NALF1: variants seen among roughly 807,000 people sequenced by gnomAD.
NALF1 encodes NALCN channel auxiliary factor 1, also known as family with sequence similarity 155 member A.
Under a neutral mutation model 48.4 loss-of-function variants are expected in NALF1, and 3 were observed. The observed-to-expected ratio is 0.06, with a 90% CI of 0.03 to 0.16. The LOEUF (loss-of-function observed/expected upper bound fraction) is 0.16. Ranked by LOEUF, NALF1 falls within the 10% of genes least tolerant of loss-of-function variation. NALF1 has a pLI of 1.00. For synonymous variants in NALF1, 262 were observed against 245.7 expected (o/e 1.07, Z -0.62); for missense variants, 526 against 571.5 (o/e 0.92, Z 0.81).
intron 1 of NALF1, among the ~76,000 whole-genome samples, chr13:107,544,760 C>T (rs1343292699): frequency 6.6e-6 from 1 of 152,022 alleles, no homozygotes; most frequent in Non-Finnish European, 1.5e-5. Flanking sequence ...TTCATCCCTG[C>T]CTTGAAGGAG....
At chr13:107,658,173 C>G (rs975170810) in intron 1 of NALF1, among the ~76,000 whole-genome samples, 1 of 151,876 alleles carries the variant, frequency 6.6e-6, no homozygotes, top group Admixed American at 6.6e-5. Context: ...TTTTTTATTT[C>G]CTTTTGTTGA....
intron 1 of NALF1, among the ~76,000 whole-genome samples, chr13:107,806,217 G>A (rs879834306): frequency 1.3e-5 from 2 of 152,136 alleles, no homozygotes; most frequent in Non-Finnish European, 2.9e-5. Flanking sequence ...GTTGCCTACA[G>A]TTTTAAAATA....
chr13:107,453,018 A>G (rs962220825), intron 1 of NALF1, among the ~76,000 whole-genome samples: 18 of 152,308 alleles, frequency 1.2e-4, no homozygotes, highest in African/African-American at 4.1e-4. Context: ...GGGCTCCCAC[A>G]ACCTTGGACA....
At chr13:107,779,778 C>CTTCTAAAACCTCAG (rs1276587219) in intron 1 of NALF1, among the ~76,000 whole-genome samples, 3 of 152,188 alleles carry the variant, frequency 2.0e-5, no homozygotes, top group Non-Finnish European at 2.9e-5. Context: ...TCTCCACCTT[C>CTTCTAAAACCTCAG]TTCTAAAACC....
chr13:107,448,261 T>G (rs2139032741), intron 1 of NALF1, among the ~76,000 whole-genome samples: 1 of 152,250 alleles, frequency 6.6e-6, no homozygotes, highest in African/African-American at 2.4e-5. Flanking sequence ...AGCCACTGTG[T>G]GACGACTGGA....
At chr13:107,292,179 A>C (rs2138883580) in intron 1 of NALF1, among the ~76,000 whole-genome samples, 1 of 152,332 alleles carries the variant, frequency 6.6e-6, no homozygotes, top group Middle Eastern at 3.4e-3. Context: ...ATGCAAAACA[A>C]TGTTAAGTAT....
chr13:107,511,196 G>A (rs923511672), intron 1 of NALF1, among the ~76,000 whole-genome samples: 1 of 152,160 alleles, frequency 6.6e-6, no homozygotes, highest in Non-Finnish European at 1.5e-5. Flanking sequence ...TTCTTCAGGG[G>A]ACAGATATTT....
At chr13:107,467,139 A>G (rs1885017070) in intron 1 of NALF1, among the ~76,000 whole-genome samples, 1 of 152,166 alleles carries the variant, frequency 6.6e-6, no homozygotes, top group Non-Finnish European at 1.5e-5. Flanking sequence ...CTTGAAATGT[A>G]TATATGAATT....
intron 2 of NALF1, among the ~76,000 whole-genome samples, chr13:107,180,946 C>T (rs949878035): frequency 6.6e-6 from 1 of 151,536 alleles, no homozygotes; most frequent in African/African-American, 2.4e-5. Context: ...GGTTACTTTG[C>T]GTCAATTTTG....
At chr13:107,577,797 T>A (rs547070759) in intron 1 of NALF1, among the ~76,000 whole-genome samples, 1 of 152,252 alleles carries the variant, frequency 6.6e-6, no homozygotes, top group Admixed American at 6.5e-5. Flanking sequence ...TCATCCCGGA[T>A]CTCTTCAAGT....
intron 1 of NALF1, among the ~76,000 whole-genome samples, chr13:107,323,527 C>G (rs1271318163): frequency 1.3e-5 from 2 of 151,888 alleles, no homozygotes; most frequent in Admixed American, 1.3e-4. Context: ...TCATATAGCG[C>G]TTTTTAAAAA....
chr13:107,618,814 C>G (rs1879451015), intron 1 of NALF1, among the ~76,000 whole-genome samples: 1 of 152,146 alleles, frequency 6.6e-6, no homozygotes, highest in Non-Finnish European at 1.5e-5. Context: ...AGTATTGATG[C>G]TTAGTCTGCA....
rs555200327 is a variant in NALF1, at chr13:107,453,101, G to A, written c.916-242346C>T. 9.2e-5 allele frequency among the ~76,000 whole-genome samples: 14 copies of A among 152,264 alleles called. No homozygotes were observed. The East Asian group carries it at 1.2e-3, about 13-fold the overall frequency. The stretch of plus-strand genomic sequence containing the variant: ...TTCATGGCTGGCATTGAGTGTCTGC[G>A]GCTTTTCCAGGCACACAGTCCAATC... On this transcript the variant is annotated intron_variant, in intron 1 of 2. Coordinates refer to ENST00000375915, the MANE Select transcript of NALF1 (RefSeq NM_001080396.3).
chr13:107,340,179 T>C (rs1474955656), intron 1 of NALF1, among the ~76,000 whole-genome samples: 1 of 146,294 alleles, frequency 6.8e-6, no homozygotes, highest in Non-Finnish European at 1.5e-5. Flanking sequence ...TACATTCCTT[T>C]TTTTTTTTTT....
chr13:107,285,915 A>G (rs1881484247), intron 1 of NALF1, among the ~76,000 whole-genome samples: 2 of 152,194 alleles, frequency 1.3e-5, no homozygotes, highest in South Asian at 4.1e-4. Flanking sequence ...TGGATGGAAT[A>G]CATTCAAATG....
chr13:107,358,006 G>T (rs947441444), intron 1 of NALF1, among the ~76,000 whole-genome samples: 5 of 152,002 alleles, frequency 3.3e-5, no homozygotes, highest in African/African-American at 1.2e-4. Context: ...ATATATATTT[G>T]CAATAAATAA....
chr13:107,177,056 C>T (rs906300487), intron 2 of NALF1, among the ~76,000 whole-genome samples: 3 of 151,858 alleles, frequency 2.0e-5, no homozygotes, highest in Non-Finnish European at 2.9e-5. Context: ...ATACAAAAAT[C>T]GGTAACATTT....
chr13:107,329,449 G>A (rs977935545), intron 1 of NALF1, among the ~76,000 whole-genome samples: 2 of 151,130 alleles, frequency 1.3e-5, no homozygotes, highest in African/African-American at 4.9e-5. Context: ...CATTTTCACT[G>A]TCCAGTAGCT....
At chr13:107,855,957 G>A (rs973018767) in intron 1 of NALF1, among the ~76,000 whole-genome samples, 6 of 151,978 alleles carry the variant, frequency 3.9e-5, no homozygotes, top group African/African-American at 1.5e-4. Context: ...ATCCAGGCTG[G>A]AGTACAGTGG....
Sources: gnomAD v4.1 joint callset for allele counts (sites outside exome capture counted in the v4.1 genomes callset) on GRCh38, gnomAD v4.1.1 for gene constraint, MANE v1.5 for transcripts, NCBI Gene and HGNC (gene_info 2026-07-23, HGNC 2026-07-21) for gene names.